Variants in TMEM87A observed in about 807,000 individuals in gnomAD.
The protein encoded by TMEM87A is Golgi-pH regulating cation channel.
A neutral mutation model predicts 90.0 loss-of-function variants in TMEM87A; 50 were observed. The observed-to-expected ratio is 0.56, with a 90% CI of 0.44 to 0.70. The LOEUF is 0.70. Ranked by LOEUF, TMEM87A falls within the 30% of genes least tolerant of loss-of-function variation. The pLI, the probability that TMEM87A is intolerant of heterozygous loss-of-function variation, is 0.00. For synonymous variants in TMEM87A, 226 were observed against 226.7 expected, an observed-to-expected ratio of 1.00 and a Z score of 0.03; for missense variants, 577 against 660.5, an observed-to-expected ratio of 0.87 and a Z score of 1.39.
At chr15:42,267,917 A>G in intron 3 of TMEM87A, 30 bp downstream of exon 3, 1 of 1,576,664 alleles carries the variant, frequency 6.3e-7, no homozygotes, top group Non-Finnish European at 8.7e-7. Flanking sequence ...ACTAAGGTCC[A>G]AAAAAACTCT....
chr15:42,273,162 G>C, intron 1 of TMEM87A, 93 bp downstream of exon 1: 3 of 1,511,242 alleles, frequency 2.0e-6, no homozygotes, highest in Non-Finnish European at 2.7e-6. Flanking sequence ...CCCTTTTGAA[G>C]AGACTTTTGC....
chr15:42,239,463 A>C (rs2050833092), intron 8 of TMEM87A, among the ~76,000 whole-genome samples: 1 of 152,210 alleles, frequency 6.6e-6, no homozygotes, highest in African/African-American at 2.4e-5. Context: ...TGACCCCTTC[A>C]TTATATGGAT....
At chr15:42,258,096 T>C (rs2051217049) in intron 6 of TMEM87A, 2 of 978,456 alleles carry the variant, frequency 2.0e-6, no homozygotes, top group Non-Finnish European at 2.4e-6. Context: ...ATGAAACTCA[T>C]AAAAGTTCAA....
At chr15:42,266,222 A>C (rs1368377596) in intron 3 of TMEM87A, among the ~76,000 whole-genome samples, 1 of 152,246 alleles carries the variant, frequency 6.6e-6, no homozygotes, top group African/African-American at 2.4e-5. Context: ...CCATAGACAA[A>C]ACTATTTTCA....
chr15:42,213,127 C>CA (rs2050322324), intron 19 of TMEM87A, among the ~76,000 whole-genome samples: 1 of 152,216 alleles, frequency 6.6e-6, no homozygotes, highest in South Asian at 2.1e-4. Context: ...GGACCCAGCA[C>CA]AGTACCACAT....
chr15:42,265,740 T>A (rs890873586), intron 3 of TMEM87A, among the ~76,000 whole-genome samples: 1 of 152,242 alleles, frequency 6.6e-6, no homozygotes. Flanking sequence ...TTGTTGCAAT[T>A]GCTTTTGGCG....
intron 17 of TMEM87A, 80 bp from the exon 18 acceptor site, chr15:42,218,458 T>C (rs767257353): frequency 3.5e-5 from 48 of 1,368,144 alleles, no homozygotes; most frequent in Non-Finnish European, 4.8e-5. Flanking sequence ...GTCTTAAAAC[T>C]TGTCTTTCAT....
At chr15:42,234,226 T>C (rs1285879659) in intron 10 of TMEM87A, among the ~76,000 whole-genome samples, 1 of 152,232 alleles carries the variant, frequency 6.6e-6, no homozygotes, top group Non-Finnish European at 1.5e-5. Flanking sequence ...TGAAAAGTCT[T>C]CTGAGCAACT....
intron 1 of TMEM87A, chr15:42,272,959 G>C (rs905196386): frequency 1.7e-6 from 1 of 572,832 alleles, no homozygotes; most frequent in African/African-American, 1.8e-5. Flanking sequence ...CTCTCCGTTT[G>C]TACATCAAGT....
Position 42,218,377 on chromosome 15 carries a change from T to G in TMEM87A, c.1541A>C (p.Gln514Pro). 2 of 1,613,722 alleles carry G rather than the reference T, an allele frequency of 1.2e-6. No individual in the cohort carries two copies. The highest frequency in any genetic ancestry group is 1.7e-6 in the Non-Finnish European group (2 of 1,179,782). Residue 514 changes from glutamine to proline, a missense_variant and splice_region_variant, in exon 18 of 20, where the codon CAG (glutamine) becomes CCG (proline). Physicochemically the swap from Gln to Pro is moderately conservative, Grantham distance 76 (BLOSUM62 -1). Transcript: ENST00000389834. ...PNGNSKVNKA[Q>P]EDDLKWVEEN... ...TTCTACCCACTTCAAATCATCTTCC[T>G]GCTGGGAACATACAAATACCACTCA... is the stretch of plus-strand genomic sequence containing the variant.
intron 19 of TMEM87A, among the ~76,000 whole-genome samples, chr15:42,213,062 C>G (rs574026044): frequency 5.2e-4 from 79 of 152,290 alleles, no homozygotes; most frequent in Admixed American, 1.0e-3. Flanking sequence ...CCAGCTGAAT[C>G]AAAGTCGGCA....
intron 19 of TMEM87A, among the ~76,000 whole-genome samples, chr15:42,216,904 T>C (rs2050392428): frequency 1.3e-5 from 2 of 151,358 alleles, no homozygotes; most frequent in East Asian, 3.9e-4. Context: ...TGACCTAATA[T>C]TCAGAACATA....
intron 2 of TMEM87A, among the ~76,000 whole-genome samples, chr15:42,268,410 A>G (rs2051447727): frequency 6.6e-6 from 1 of 152,220 alleles, no homozygotes; most frequent in Non-Finnish European, 1.5e-5. Context: ...GCTCACACCT[A>G]TAACCCCAGA....
At chr15:42,250,317 A>C (rs1354412256) in intron 6 of TMEM87A, among the ~76,000 whole-genome samples, 1 of 152,200 alleles carries the variant, frequency 6.6e-6, no homozygotes, top group Non-Finnish European at 1.5e-5. Context: ...TTATGATACT[A>C]GTGGGTTATT....
chr15:42,257,733 T>C (rs973195519), intron 6 of TMEM87A, among the ~76,000 whole-genome samples: 1 of 152,196 alleles, frequency 6.6e-6, no homozygotes, highest in Non-Finnish European at 1.5e-5. Context: ...AGGGGAAATT[T>C]GGGAACAACC....
chr15:42,213,800 C>T (rs1287477151), intron 19 of TMEM87A, among the ~76,000 whole-genome samples: 4 of 151,224 alleles, frequency 2.6e-5, no homozygotes, highest in Non-Finnish European at 4.4e-5. Context: ...GTTTTTTTTT[C>T]TAATGCAATG....
chr15:42,253,516 G>T (rs868432880), intron 6 of TMEM87A, among the ~76,000 whole-genome samples: 1 of 152,130 alleles, frequency 6.6e-6, no homozygotes, highest in South Asian at 2.1e-4. Context: ...ACAAAGTTAA[G>T]TCCTGGCAAG....
chr15:42,270,510 C>T (rs753444377), intron 2 of TMEM87A, among the ~76,000 whole-genome samples: 2 of 152,098 alleles, frequency 1.3e-5, no homozygotes, highest in African/African-American at 2.4e-5. Flanking sequence ...GCAGGAGAAT[C>T]GCTTGAACCT....
chr15:42,234,210 A>C (rs2050735263), intron 10 of TMEM87A, among the ~76,000 whole-genome samples: 1 of 152,212 alleles, frequency 6.6e-6, no homozygotes, highest in Non-Finnish European at 1.5e-5. Context: ...CTCGAAACCT[A>C]ATATATGAAA....
Sources: gnomAD v4.1 joint callset for allele counts (sites outside exome capture counted in the v4.1 genomes callset) on GRCh38, gnomAD v4.1.1 for gene constraint, MANE v1.5 for transcripts, NCBI Gene and HGNC (gene_info 2026-07-23, HGNC 2026-07-21) for gene names.